RPGRIP1: variants seen among roughly 807,000 people sequenced by gnomAD.
RPGRIP1 encodes RPGR interacting protein 1, also known as X-linked retinitis pigmentosa GTPase regulator-interacting protein 1.
RPGRIP1 carries 128 observed loss-of-function variants against 157.9 expected under a neutral mutation model. The observed-to-expected ratio is 0.81, with a 90% CI of 0.70 to 0.94. The LOEUF (loss-of-function observed/expected upper bound fraction) is 0.94. Ranked by LOEUF, RPGRIP1 falls within the 40% of genes least tolerant of loss-of-function variation. The pLI is 0.00. For synonymous variants in RPGRIP1, 554 were observed against 571.6 expected (o/e 0.97, Z 0.44); for missense variants, 1,486 against 1,545.8 (o/e 0.96, Z 0.65).
chr14:21,349,399 CTTTTTTTTTTT>C (rs71112577), intron 24 of RPGRIP1, among the ~76,000 whole-genome samples: 1 of 82,026 alleles, frequency 1.2e-5, no homozygotes, highest in Non-Finnish European at 2.5e-5. Context: ...TAATTTCTTT[CTTTTTTTTTTT>C]TTTTTTTGAG....
chr14:21,303,226 G>A (rs1382923732), intron 5 of RPGRIP1, 105 bp from the exon 6 acceptor site: 7 of 753,628 alleles, frequency 9.3e-6, no homozygotes, highest in African/African-American at 8.9e-5. Flanking sequence ...GATTTTCCTC[G>A]ACATGTACCA....
At chr14:21,318,392 G>A (rs957187383) in intron 11 of RPGRIP1, among the ~76,000 whole-genome samples, 5 of 152,126 alleles carry the variant, frequency 3.3e-5, no homozygotes, top group Non-Finnish European at 5.9e-5. Flanking sequence ...GATTACAGGC[G>A]TGCGCCACTG....
At chr14:21,289,670 A>T (rs1880441865) in intron 2 of RPGRIP1, among the ~76,000 whole-genome samples, 1 of 152,112 alleles carries the variant, frequency 6.6e-6, no homozygotes, top group South Asian at 2.1e-4. Context: ...GCCATTATCT[A>T]GTAAAGTTGA....
At chr14:21,310,863 G>C (rs983846930) in intron 8 of RPGRIP1, 15 of 671,200 alleles carry the variant, frequency 2.2e-5, no homozygotes, top group Middle Eastern at 2.5e-4. Context: ...TAAGCCTATT[G>C]CTGGAGCAAA....
chr14:21,343,827 A>G (rs1036054420), intron 22 of RPGRIP1, among the ~76,000 whole-genome samples: 7 of 107,834 alleles, frequency 6.5e-5, no homozygotes, highest in Non-Finnish European at 1.1e-4. Flanking sequence ...TACTTCCATC[A>G]TATTTCTGAG....
chr14:21,322,514 T>C (rs1882614607), intron 14 of RPGRIP1, among the ~76,000 whole-genome samples: 1 of 152,180 alleles, frequency 6.6e-6, no homozygotes, highest in Admixed American at 6.5e-5. Flanking sequence ...CATGTTTTTC[T>C]GATTTCTCTG....
At chr14:21,335,554 G>T (rs1196299957) in intron 21 of RPGRIP1, among the ~76,000 whole-genome samples, 1 of 152,184 alleles carries the variant, frequency 6.6e-6, no homozygotes, top group Non-Finnish European at 1.5e-5. Flanking sequence ...AAAAAAGCCG[G>T]TTGCGGTGGC....
intron 2 of RPGRIP1, among the ~76,000 whole-genome samples, chr14:21,290,547 C>T (rs1187791016): frequency 1.3e-5 from 2 of 152,068 alleles, no homozygotes; most frequent in Non-Finnish European, 2.9e-5. Context: ...CACGGTGGCT[C>T]ATGCCTGTAG....
chr14:21,292,434 A>G (rs761378019), intron 2 of RPGRIP1, among the ~76,000 whole-genome samples: 3 of 152,218 alleles, frequency 2.0e-5, no homozygotes, highest in Non-Finnish European at 4.4e-5. Context: ...CATATATTCA[A>G]AAATTAATCT....
chr14:21,345,604 G>A (rs912539819), intron 23 of RPGRIP1, among the ~76,000 whole-genome samples: 8 of 151,708 alleles, frequency 5.3e-5, no homozygotes, highest in Admixed American at 1.3e-4. Context: ...GGGTTTTGCC[G>A]TGTTGCTCAT....
In RPGRIP1 at chr14:21,320,040, G is replaced by GA; in HGVS notation, c.1332dup (p.Val445SerfsTer9). The GA allele has an allele frequency of 6.2e-7, 1 of 1,612,608 alleles. No individual in the cohort carries two copies. The highest frequency in any genetic ancestry group is 8.5e-7 in the Non-Finnish European group (1 of 1,179,286). The stretch of plus-strand genomic sequence containing the variant: ...AGCCCAAAATGAGGATCTGAAGCTT[G>GA]AAGTCACCAACATACTTCAGAAGCA... On this transcript the variant is annotated frameshift_variant, in exon 12 of 25. Transcript: ENST00000400017. LOFTEE classifies it high-confidence loss of function.
chr14:21,288,212 G>T (rs1037205082), intron 2 of RPGRIP1, among the ~76,000 whole-genome samples, 151 bp downstream of exon 2: 1 of 135,654 alleles, frequency 7.4e-6, no homozygotes, highest in Non-Finnish European at 1.5e-5. Context: ...ATGGAGTCTC[G>T]CTCTGTCACC....
At chr14:21,283,816 C>T (rs1473330604) in intron 1 of RPGRIP1, among the ~76,000 whole-genome samples, 1 of 151,630 alleles carries the variant, frequency 6.6e-6, no homozygotes, top group East Asian at 2.0e-4. Context: ...GTCACCATGC[C>T]CAGCTAACTT....
At chr14:21,329,689 A>T (rs1353687060) in intron 19 of RPGRIP1, among the ~76,000 whole-genome samples, 10 of 150,954 alleles carry the variant, frequency 6.6e-5, no homozygotes, top group African/African-American at 2.2e-4. Context: ...TTTAGTAGAG[A>T]CGAGGTTTCA....
chr14:21,327,749 A>G lies in RPGRIP1; in HGVS notation c.2837A>G (p.Asp946Gly). The G allele has an allele frequency of 6.2e-7, 1 of 1,613,848 alleles. No homozygotes were observed. Among genetic ancestry groups the G allele is most frequent in the Non-Finnish European group, 8.5e-7 (1 of 1,179,814 alleles). The change falls in exon 18 of 25, where the codon GAT becomes GGT. Residue 946 changes from aspartate to glycine, a missense_variant. Asp to Gly is a moderately conservative substitution (Grantham distance 94). Coordinates refer to ENST00000400017, the MANE Select transcript of RPGRIP1 (RefSeq NM_020366.4). ...CCAGAAGCTCAGACTAAGGGGAAGG[A>G]TACCAAGGACAGTTCAAAGATCTCA... The part of the protein sequence containing the change: ...LKPEAQTKGK[D>G]TKDSSKISSE...
At chr14:21,327,901 G>C (rs1883280964) in intron 18 of RPGRIP1, 94 bp downstream of exon 18, 1 of 979,796 alleles carries the variant, frequency 1.0e-6, no homozygotes, top group African/African-American at 1.6e-5. Context: ...AGGTGCAGTG[G>C]CTCACGCCTG....
At position 21,294,744 on chromosome 14, in the gene RPGRIP1, T is replaced by C. The variant is rs199606938; in HGVS notation, c.153T>C (p.Phe51=). ...GGGAGGAATTGGAGGACAGTTTCTT[T>C]CGACTTCGCGAAGATCACATGTTGG... ...MNREELEDSF[F]RLREDHMLVK... The change falls in exon 3 of 25, where the codon TTT becomes TTC. Residue 51 remains phenylalanine (F), a synonymous_variant. Coordinates refer to ENST00000400017, the MANE Select transcript of RPGRIP1 (RefSeq NM_020366.4). 14 of 1,613,376 alleles carry C rather than the reference T, an allele frequency of 8.7e-6. No individual in the cohort carries two copies. The African/African-American group carries it at 1.3e-4, about 15-fold the overall frequency.
At chr14:21,313,686 G>A (rs1328577170) in intron 10 of RPGRIP1, among the ~76,000 whole-genome samples, 1 of 151,804 alleles carries the variant, frequency 6.6e-6, no homozygotes, top group African/African-American at 2.4e-5. Flanking sequence ...TACTCAGACA[G>A]CTGAGGCAGG....
rs960127195 is a variant in RPGRIP1 at position 21,290,957 on chromosome 14, T to A, written c.85+2896T>A. 2.7e-5 allele frequency among the ~76,000 whole-genome samples: 4 copies of A among 145,476 alleles called. No homozygotes were observed. The East Asian group carries it at 8.1e-4, about 30-fold the overall frequency. ...CATAGGTTGCAGTGAGCCGAGATGG[T>A]GCCACTGCACTCCAGCCTGGGTGAC... On this transcript the variant is annotated intron_variant, in intron 2 of 24. Transcript: ENST00000400017.
Sources: gnomAD v4.1 joint callset for allele counts (sites outside exome capture counted in the v4.1 genomes callset) on GRCh38, gnomAD v4.1.1 for gene constraint, MANE v1.5 for transcripts, NCBI Gene and HGNC (gene_info 2026-07-23, HGNC 2026-07-21) for gene names.